KCNIP4: variants seen among roughly 807,000 people sequenced by gnomAD.
KCNIP4 encodes the protein potassium voltage-gated channel interacting protein 4, also known as Kv channel-interacting protein 4.
KCNIP4 carries 12 observed loss-of-function variants against 34.0 expected under a neutral mutation model. That is an observed-to-expected ratio of 0.35 (90% CI 0.23 to 0.57). KCNIP4 has a LOEUF of 0.57. Ranked by LOEUF, KCNIP4 falls within the 20% of genes least tolerant of loss-of-function variation. KCNIP4 has a pLI of 0.83. For synonymous variants in KCNIP4, 124 were observed against 102.2 expected (o/e 1.21, Z -1.29); for missense variants, 238 against 311.7 (o/e 0.76, Z 1.78).
At chr4:20,786,919 C>T (rs942934765) in intron 3 of KCNIP4, among the ~76,000 whole-genome samples, 3 of 152,118 alleles carry the variant, frequency 2.0e-5, no homozygotes, top group Middle Eastern at 3.4e-3. Flanking sequence ...AAGACGGGCC[C>T]GATAAAGTAT....
chr4:20,772,260 C>CA (rs1755962771), intron 3 of KCNIP4, among the ~76,000 whole-genome samples: 1 of 152,140 alleles, frequency 6.6e-6, no homozygotes, highest in South Asian at 2.1e-4. Context: ...CAATGTCTTT[C>CA]AATCCTATTA....
At chr4:21,311,293 GAATTCTAAGGAA>G (rs1713133337) in intron 1 of KCNIP4, among the ~76,000 whole-genome samples, 1 of 152,138 alleles carries the variant, frequency 6.6e-6, no homozygotes, top group African/African-American at 2.4e-5. Context: ...AATTGAGGTG[GAATTCTAAGGAA>G]AACACATTGC....
At chr4:21,390,408 T>A (rs1418197053) in intron 1 of KCNIP4, among the ~76,000 whole-genome samples, 1 of 152,150 alleles carries the variant, frequency 6.6e-6, no homozygotes, top group Non-Finnish European at 1.5e-5. Flanking sequence ...ATTGCCTAGG[T>A]TTTCTTCTAG....
intron 1 of KCNIP4, among the ~76,000 whole-genome samples, chr4:21,746,890 C>T (rs1322938684): frequency 6.6e-6 from 1 of 152,130 alleles, no homozygotes; most frequent in Non-Finnish European, 1.5e-5. Flanking sequence ...AATATACCCA[C>T]AGTCATTTCT....
At chr4:21,296,587 A>G (rs561402905) in intron 1 of KCNIP4, among the ~76,000 whole-genome samples, 1 of 151,944 alleles carries the variant, frequency 6.6e-6, no homozygotes, top group South Asian at 2.1e-4. Context: ...AAACTGAAGT[A>G]CTGAGGGTTG....
rs112369238 is a variant in KCNIP4, at chr4:21,308,711, A to AGAGTGT, written c.62-426003_62-426002insACACTC. 5.6e-3 allele frequency among the ~76,000 whole-genome samples: 839 copies of AGAGTGT among 149,972 alleles called. 8 individuals are homozygous for AGAGTGT. Among genetic ancestry groups the AGAGTGT allele is most frequent in the East Asian group, 0.031 (159 of 5,054 alleles). On this transcript the variant is annotated intron_variant, in intron 1 of 8. Transcript: ENST00000382152. ...GAAAGTTCTGTGCCCCTGCCGTGTGAGTGTGTGTGTGTGTGTGTGTGTGTG... is the reference window on the plus strand; with the variant it reads ...GAAAGTTCTGTGCCCCTGCCGTGTGAGAGTGTGTGTGTGTGTGTGTGTGTGTGTGTG...
rs1717724228 is a variant in KCNIP4 at position 21,757,277 on chromosome 4, GAAAAGAAAAGAGAAA to G, written c.61+191279_61+191293del. ...GAAAAGAAAAGAAAAGAAAAGAAAA[GAAAAGAAAAGAGAAA>G]AGAAAAGAAAAGAGAAAAGAAAGAA... is the stretch of plus-strand genomic sequence containing the variant. On this transcript the variant is annotated intron_variant, in intron 1 of 8. Coordinates refer to ENST00000382152, the MANE Select transcript of KCNIP4 (RefSeq NM_025221.6). Among the ~76,000 whole-genome samples, 9 of 85,498 alleles carry G rather than the reference GAAAAGAAAAGAGAAA, an allele frequency of 1.1e-4. 1 individual carries two copies. The South Asian group carries it at 2.3e-3, about 22-fold the overall frequency. The allele number at this position is 85,498 out of a possible 152,430, so 56.1% of individuals were successfully genotyped here.
At chr4:21,693,403 A>C (rs1711910866) in intron 1 of KCNIP4, among the ~76,000 whole-genome samples, 1 of 152,130 alleles carries the variant, frequency 6.6e-6, no homozygotes, top group Non-Finnish European at 1.5e-5. Flanking sequence ...TCTAGTAAAA[A>C]TACAAAAATT....
intron 1 of KCNIP4, among the ~76,000 whole-genome samples, chr4:21,092,773 G>A (rs190117285): frequency 6.6e-5 from 10 of 152,296 alleles, no homozygotes; most frequent in Admixed American, 3.9e-4. Context: ...GTAATGACTA[G>A]CCAGGTCTCT....
intron 1 of KCNIP4, among the ~76,000 whole-genome samples, chr4:21,379,445 T>A (rs1355719349): frequency 6.6e-6 from 1 of 152,192 alleles, no homozygotes; most frequent in African/African-American, 2.4e-5. Flanking sequence ...ACTAACCTAT[T>A]TGAAATCCTC....
chr4:21,872,164 G>A (rs1333696973), intron 1 of KCNIP4, among the ~76,000 whole-genome samples: 2 of 152,168 alleles, frequency 1.3e-5, no homozygotes, highest in South Asian at 2.1e-4. Context: ...GAAGGACCCA[G>A]CTGATCCTGA....
intron 1 of KCNIP4, among the ~76,000 whole-genome samples, chr4:21,086,589 T>C (rs995618153): frequency 2.0e-5 from 3 of 152,192 alleles, no homozygotes; most frequent in Admixed American, 6.5e-5. Context: ...AAGCATTTCC[T>C]GGGAAACATA....
At chr4:21,562,124 G>A (rs1313945820) in intron 1 of KCNIP4, among the ~76,000 whole-genome samples, 1 of 151,618 alleles carries the variant, frequency 6.6e-6, no homozygotes, top group Non-Finnish European at 1.5e-5. Flanking sequence ...GCCTTCTTCT[G>A]CCCTTTTTAG....
intron 1 of KCNIP4, among the ~76,000 whole-genome samples, chr4:21,093,721 AAT>A (rs1366818270): frequency 1.3e-5 from 2 of 152,202 alleles, no homozygotes; most frequent in African/African-American, 4.8e-5. Flanking sequence ...TAGCTATAAA[AAT>A]TAGAAAATAG....
chr4:21,137,644 C>A (rs1005897479), intron 1 of KCNIP4, among the ~76,000 whole-genome samples: 1 of 151,968 alleles, frequency 6.6e-6, no homozygotes, highest in African/African-American at 2.4e-5. Context: ...TTCATCTGCT[C>A]AACAGGTATA....
chr4:21,419,152 T>C (rs375848469), intron 1 of KCNIP4, among the ~76,000 whole-genome samples: 2 of 152,334 alleles, frequency 1.3e-5, no homozygotes, highest in South Asian at 2.1e-4. Context: ...ATTTTCCTGT[T>C]TTCCATGCTT....
At chr4:21,477,989 A>G (rs1039505922) in intron 1 of KCNIP4, among the ~76,000 whole-genome samples, 25 of 152,296 alleles carry the variant, frequency 1.6e-4, no homozygotes, top group Middle Eastern at 3.4e-3. Flanking sequence ...TCTATCTTCA[A>G]TGTATCTAGC....
intron 1 of KCNIP4, among the ~76,000 whole-genome samples, chr4:21,129,766 G>A (rs1750920167): frequency 6.6e-6 from 1 of 152,064 alleles, no homozygotes; most frequent in South Asian, 2.1e-4. Flanking sequence ...CATTTTAAAT[G>A]CAAGATATTT....
intron 1 of KCNIP4, among the ~76,000 whole-genome samples, chr4:20,919,619 C>T (rs570932688): frequency 6.9e-6 from 1 of 144,556 alleles, no homozygotes; most frequent in African/African-American, 2.6e-5. Flanking sequence ...AGGAGAATGG[C>T]GTGAACACGG....
Sources: gnomAD v4.1 joint callset for allele counts (sites outside exome capture counted in the v4.1 genomes callset) on GRCh38, gnomAD v4.1.1 for gene constraint, MANE v1.5 for transcripts, NCBI Gene and HGNC (gene_info 2026-07-23, HGNC 2026-07-21) for gene names.